ERN2: variants seen among roughly 807,000 people sequenced by gnomAD.
The protein encoded by ERN2 is endoplasmic reticulum to nucleus signaling 2, also known as serine/threonine-protein kinase/endoribonuclease IRE2.
ERN2 carries 111 observed loss-of-function variants against 107.9 expected under a neutral mutation model. The observed-to-expected ratio is 1.03, with a 90% confidence interval of 0.88 to 1.20. The LOEUF is 1.20. Among genes scored for constraint, ERN2 ranks in the 50% most tolerant of loss-of-function variants. The pLI, the probability that ERN2 is intolerant of heterozygous loss-of-function variation, is 0.00. For synonymous variants in ERN2, 524 were observed against 501.7 expected, an observed-to-expected ratio of 1.04 and a Z score of -0.59; for missense variants, 1,225 against 1,197.9, an observed-to-expected ratio of 1.02 and a Z score of -0.33.
In ERN2 at chr16:23,700,617, G is replaced by A. The variant is rs1192725550; in HGVS notation, c.1447C>T (p.His483Tyr). The A allele has an allele frequency of 1.9e-6, 3 of 1,614,056 alleles. No individual in the cohort carries two copies. The highest frequency in any genetic ancestry group is 2.2e-5 in the East Asian group (1 of 44,894). ...TGGCTCCTCCGGCTGGCCCCCGAGT[G>A]CAGGGACTGGGCATCCTGGGAGATG... is the stretch of plus-strand genomic sequence containing the variant. ...AHISQDAQSLHSGASRRSQKR... is the reference protein window; with the variant it reads ...AHISQDAQSLYSGASRRSQKR... The change falls in exon 13 of 22, where the codon CAC (histidine) becomes TAC (tyrosine). Residue 483 changes from histidine to tyrosine, a missense_variant. Transcript: ENST00000256797.
In ERN2 at chr16:23,710,641, A is replaced by C. The variant is rs182666282; in HGVS notation, c.200-92T>G. On this transcript the variant is annotated intron_variant, in intron 2 of 21. Coordinates refer to ENST00000256797, the MANE Select transcript of ERN2 (RefSeq NM_033266.4). The stretch of plus-strand genomic sequence containing the variant: ...TTCACTGAGCTATGGCATGACTGTG[A>C]TGTCAAGCACTTGGTGTGAATGTAA... 3.6e-6 allele frequency: 5 copies of C among 1,403,374 alleles called. No individual in the cohort carries two copies. The East Asian group carries it at 1.1e-4, about 32-fold the overall frequency. The allele number at this position is 1,403,374 out of a possible 1,614,324, so 86.9% of individuals were successfully genotyped here. A position where few individuals can be genotyped will look rare whatever the true frequency, so the allele number is the denominator to read the frequency against.
Position 23,692,964 on chromosome 16 carries a change from A to ATT in ERN2, c.2101-635_2101-634dup, listed in dbSNP as rs35837766. ...GAACTTTTGGCCTCAAGCGATTCTG[A>ATT]TTTTTTTTTTTTTTAAAGAAAATCC... is the stretch of plus-strand genomic sequence containing the variant. On this transcript the variant is annotated intron_variant, in intron 17 of 21. Coordinates refer to ENST00000256797, the MANE Select transcript of ERN2 (RefSeq NM_033266.4). 3.4e-3 allele frequency among the ~76,000 whole-genome samples: 499 copies of ATT among 146,342 alleles called. 2 individuals carry two copies. Among genetic ancestry groups the ATT allele is most frequent in the South Asian group, 6.9e-3 (32 of 4,616 alleles).
At position 23,700,966 on chromosome 16, in the gene ERN2, A is replaced by G. The variant is rs1482406292; in HGVS notation, c.1352T>C (p.Met451Thr). 1.2e-6 allele frequency: 2 copies of G among 1,613,776 alleles called. No homozygotes were observed. Among genetic ancestry groups the G allele is most frequent in the East Asian group, 2.2e-5 (1 of 44,894 alleles). Residue 451 changes from methionine to threonine, a missense_variant, in exon 12 of 22, where the codon ATG becomes ACG. Transcript: ENST00000256797. ...TCAGGGCGGTGGGCCTACCTGCCTCATCACAAAGAGAATCCACCCTCCCAG... is the reference window on the plus strand; with the variant it reads ...TCAGGGCGGTGGGCCTACCTGCCTCGTCACAAAGAGAATCCACCCTCCCAG... ...VLLGGWILFV[M>T]RQQQPQVVEK...
chr16:23,711,485 T>C (rs1405089020), intron 1 of ERN2, among the ~76,000 whole-genome samples: 7 of 152,038 alleles, frequency 4.6e-5, no homozygotes, highest in Admixed American at 1.3e-4. Flanking sequence ...GCCTCCCAAG[T>C]AGTTGGGACT....
At position 23,704,970 on chromosome 16, in the gene ERN2, A is replaced by G; in HGVS notation, c.767T>C (p.Leu256Pro). ...TCGGATGTGGCCCCAGCGGAGGGCG[A>G]GGAAATGCAGAGTGTCTCGAGCCAG... Reference protein sequence around the residue: ...LTLARDTLHFLALRWGHIRLP... With the variant: ...LTLARDTLHFPALRWGHIRLP... The change falls in exon 8 of 22, where the codon CTC (leucine) becomes CCC (proline). Residue 256 changes from leucine to proline, a missense_variant. Coordinates refer to ENST00000256797, the MANE Select transcript of ERN2 (RefSeq NM_033266.4). The G allele has an allele frequency of 1.2e-6, 2 of 1,613,858 alleles. No individual in the cohort carries two copies. The highest frequency in any genetic ancestry group is 1.7e-6 in the Non-Finnish European group (2 of 1,180,010).
At position 23,691,062 on chromosome 16, in the gene ERN2, G is replaced by A; in HGVS notation, c.2569-19C>T. 1 of 1,614,128 alleles carries A rather than the reference G, an allele frequency of 6.2e-7. No homozygotes were observed. The highest frequency in any genetic ancestry group is 8.5e-7 in the Non-Finnish European group (1 of 1,179,968). ...GGTGCTTCTGTGGGTAGGTAGAGCA[G>A]AGAACCCTGGCTCAGCTGCGGCCAG... On this transcript the variant is annotated intron_variant, in intron 21 of 21. Transcript: ENST00000256797.
Position 23,702,528 on chromosome 16 carries a change from G to C in ERN2, c.943C>G (p.Leu315Val). ...GGGCCATCTGCGGGGGCCAGGGTCAGTCCACGAGGCTATGGCAGAAGATGG... is the reference window on the plus strand; with the variant it reads ...GGGCCATCTGCGGGGGCCAGGGTCACTCCACGAGGCTATGGCAGAAGATGG... ...HTGVALVPRG[L>V]TLAPADGPTT... is the part of the protein sequence containing the mutation. The change falls in exon 10 of 22, where the codon CTG (leucine) becomes GTG (valine). Residue 315 changes from leucine (L) to valine (V), a missense_variant. Physicochemically the swap from Leu to Val is conservative, Grantham distance 32. Transcript: ENST00000256797. The C allele has an allele frequency of 1.2e-6, 2 of 1,614,060 alleles. No individual in the cohort carries two copies. Among genetic ancestry groups the C allele is most frequent in the Non-Finnish European group, 1.7e-6 (2 of 1,179,998 alleles).
rs1262793830 is a variant in ERN2 at position 23,692,262 on chromosome 16, AGG to A, written c.2168_2169del (p.Pro723LeufsTer73). 3 of 1,614,110 alleles carry A rather than the reference AGG, an allele frequency of 1.9e-6. No individual in the cohort carries two copies. The Admixed American group carries it at 5.0e-5, about 27-fold the overall frequency. On this transcript the variant is annotated frameshift_variant, in exon 18 of 22. Coordinates refer to ENST00000256797, the MANE Select transcript of ERN2 (RefSeq NM_033266.4). LOFTEE classifies it high-confidence loss of function. ...FYYVLSGGSH[P>X]FGDSLYRQAN... ...GCCTGGCGATAAAGACTGTCTCCAA[AGG>A]GGTGGCTGCCACCAGAAAGCACGTA... is the stretch of plus-strand genomic sequence containing the variant.
At chr16:23,695,722 C>CA (rs57103138) in intron 14 of ERN2, among the ~76,000 whole-genome samples, 172 bp downstream of exon 14, 2,550 of 36,708 alleles carry the variant, frequency 0.069, 136 homozygotes, top group East Asian at 0.13. Flanking sequence ...GAGCAAGACT[C>CA]AAAAAAAAAA....
chr16:23,712,387 A>T (rs1172716914), intron 1 of ERN2: 1 of 181,750 alleles, frequency 5.5e-6, no homozygotes, highest in Non-Finnish European at 1.2e-5. Context: ...TTCCAGAGAC[A>T]TCCGATCTGG....
intron 17 of ERN2, among the ~76,000 whole-genome samples, chr16:23,692,684 C>T (rs35633): frequency 0.2 from 29,992 of 151,854 alleles, 3,252 homozygotes; most frequent in East Asian, 0.43. Context: ...TGGTCCTTAG[C>T]TTCAACCGGT....
At chr16:23,691,851 AG>A in intron 19 of ERN2, 111 bp downstream of exon 19, 4 of 1,410,562 alleles carry the variant, frequency 2.8e-6, no homozygotes, top group Non-Finnish European at 3.8e-6. Flanking sequence ...CCAGGCTCCC[AG>A]GACCAGGTAG....
chr16:23,704,983 T>A lies in ERN2; in HGVS notation c.754A>T (p.Thr252Ser), dbSNP rs1960239479. 6.2e-7 allele frequency: 1 copy of A among 1,613,440 alleles called. No individual in the cohort carries two copies. Among genetic ancestry groups the A allele is most frequent in the Non-Finnish European group, 8.5e-7 (1 of 1,179,896 alleles). The change falls in exon 8 of 22, where the codon ACT (threonine) becomes TCT (serine). Residue 252 changes from threonine to serine, a missense_variant. Physicochemically the swap from Thr to Ser is moderately conservative, Grantham distance 58 (BLOSUM62 1). Coordinates refer to ENST00000256797, the MANE Select transcript of ERN2 (RefSeq NM_033266.4). ...CAGCGGAGGGCGAGGAAATGCAGAG[T>A]GTCTCGAGCCAGCGTGAGATGCGGC... Reference protein sequence around the residue: ...QLPHLTLARDTLHFLALRWGH... With the variant: ...QLPHLTLARDSLHFLALRWGH...
rs1960038061 is a variant in ERN2 at position 23,700,956 on chromosome 16, T to A, written c.1359+3A>T. 2 of 1,613,586 alleles carry A rather than the reference T, an allele frequency of 1.2e-6. No homozygotes were observed. Among genetic ancestry groups the A allele is most frequent in the Non-Finnish European group, 1.7e-6 (2 of 1,179,752 alleles). ...AGACCTGAGGTCAGGGCGGTGGGCC[T>A]ACCTGCCTCATCACAAAGAGAATCC... On this transcript the variant is annotated splice_donor_region_variant and intron_variant, in intron 12 of 21. Coordinates refer to ENST00000256797, the MANE Select transcript of ERN2 (RefSeq NM_033266.4).
rs200038151 is a variant in ERN2, at chr16:23,691,030, C to T, written c.2582G>A (p.Arg861Lys). ...CTGTCGCACCTCAACTGGGAGCTCC[C>T]TGTAGTGGTGCTTCTGTGGGTAGGT... is the stretch of plus-strand genomic sequence containing the variant. ...RAVRNKKHHY[R>K]ELPVEVRQAL... Residue 861 changes from arginine to lysine, a missense_variant, in exon 22 of 22, where the codon AGG becomes AAG. Transcript: ENST00000256797. The T allele has an allele frequency of 1.2e-6, 2 of 1,614,162 alleles. No individual in the cohort carries two copies. The highest frequency in any genetic ancestry group is 4.5e-5 in the East Asian group (2 of 44,884).
intron 17 of ERN2, among the ~76,000 whole-genome samples, chr16:23,692,806 A>G (rs868015501): frequency 2.0e-5 from 3 of 151,750 alleles, no homozygotes; most frequent in South Asian, 2.1e-4. Context: ...AGCTCACTGT[A>G]ACCTCAAACT....
intron 19 of ERN2, 117 bp downstream of exon 19, chr16:23,691,846 C>A (rs1268748529): frequency 1.5e-6 from 2 of 1,378,548 alleles, no homozygotes; most frequent in African/African-American, 1.4e-5. Context: ...AAGAGCCAGG[C>A]TCCCAGGACC....
intron 4 of ERN2, 54 bp from the exon 5 acceptor site, chr16:23,707,133 A>G: frequency 7.8e-7 from 1 of 1,281,658 alleles, no homozygotes. Flanking sequence ...CACAGTGCTC[A>G]CTGTGCCAGG....
In ERN2 at chr16:23,695,981, G is replaced by C. The variant is rs774545374; in HGVS notation, c.1526-3C>G. On this transcript the variant is annotated splice_polypyrimidine_tract_variant and splice_region_variant and intron_variant, in intron 13 of 21. Coordinates refer to ENST00000256797, the MANE Select transcript of ERN2 (RefSeq NM_033266.4). The stretch of plus-strand genomic sequence containing the variant: ...CCCCACTACGGTGAGTTGCTCAGCT[G>C]GGGGAGAGGAGGGTGGTGACTCAGG... 11 of 1,612,932 alleles carry C rather than the reference G, an allele frequency of 6.8e-6. No individual in the cohort carries two copies. The Admixed American group carries it at 1.2e-4, about 17-fold the overall frequency.
Sources: allele counts gnomAD v4.1 joint callset (sites outside exome capture counted in the v4.1 genomes callset), GRCh38; gene constraint gnomAD v4.1.1; transcripts MANE v1.5; gene names NCBI Gene and HGNC (gene_info 2026-07-23, HGNC 2026-07-21).